The following HIVEP3 variants were observed in gnomAD, a reference collection of about 807,000 sequenced individuals.
HIVEP3 encodes the protein HIVEP zinc finger 3, also known as transcription factor HIVEP3.
In HIVEP3, 49 loss-of-function variants were observed where a neutral mutation model predicts 152.8. That is an observed-to-expected ratio of 0.32 (90% CI 0.26 to 0.41). The LOEUF is 0.41. Ranked by LOEUF, HIVEP3 falls within the 10% of genes least tolerant of loss-of-function variation. The pLI is 1.00. For synonymous variants in HIVEP3, 1,269 were observed against 1,289.0 expected, an observed-to-expected ratio of 0.98 and a Z score of 0.33; for missense variants, 2,790 against 3,103.3, an observed-to-expected ratio of 0.90 and a Z score of 2.40.
chr1:41,976,069 C>T (rs1009557770), intron 1 of HIVEP3, among the ~76,000 whole-genome samples: 7 of 149,724 alleles, frequency 4.7e-5, no homozygotes, highest in Non-Finnish European at 1.0e-4. Flanking sequence ...GTTCTCTTTG[C>T]CCTCTAGGTC....
intron 1 of HIVEP3, among the ~76,000 whole-genome samples, chr1:41,900,307 G>C (rs1186195516): frequency 1.3e-5 from 2 of 152,154 alleles, no homozygotes. Flanking sequence ...CAAAGTGCCT[G>C]GTACTGGGTG....
chr1:41,617,283 G>A (rs1356568438), intron 3 of HIVEP3, among the ~76,000 whole-genome samples: 1 of 152,182 alleles, frequency 6.6e-6, no homozygotes. Flanking sequence ...TTCCAGAAGT[G>A]GAAACATGGA....
At chr1:41,961,950 A>G (rs1357652552) in intron 1 of HIVEP3, among the ~76,000 whole-genome samples, 1 of 152,272 alleles carries the variant, frequency 6.6e-6, no homozygotes, top group African/African-American at 2.4e-5. Flanking sequence ...TGGCACCTCA[A>G]AAAGAAGACA....
At chr1:41,641,885 C>T (rs1224065745) in intron 2 of HIVEP3, among the ~76,000 whole-genome samples, 1 of 152,228 alleles carries the variant, frequency 6.6e-6, no homozygotes, top group East Asian at 1.9e-4. Flanking sequence ...TTGCATCCCG[C>T]CTCCTCCACC....
At chr1:41,908,395 A>C (rs1417032264) in intron 1 of HIVEP3, among the ~76,000 whole-genome samples, 1 of 152,202 alleles carries the variant, frequency 6.6e-6, no homozygotes, top group Non-Finnish European at 1.5e-5. Flanking sequence ...TGGCAGGTTT[A>C]AAGCACCCCT....
At chr1:41,824,784 T>TATATATATATATATAGAGAG (rs1553266584) in intron 1 of HIVEP3, among the ~76,000 whole-genome samples, 1 of 11,394 alleles carries the variant, frequency 8.8e-5, no homozygotes, top group African/African-American at 3.2e-4. Flanking sequence ...TATATATATA[T>TATATATATATATATAGAGAG]AGAGAGAGAG....
rs377698322 is a variant in HIVEP3 at position 41,903,904 on chromosome 1, CTTTTTTTTTT to C, written c.-801+14499_-801+14508del. 5.0e-5 allele frequency among the ~76,000 whole-genome samples: 7 copies of C among 140,246 alleles called. No homozygotes were observed. The East Asian group carries it at 1.4e-3, about 29-fold the overall frequency. The allele number at this position is 140,246 out of a possible 152,430, so 92.0% of individuals were successfully genotyped here. A position where few individuals can be genotyped will look rare whatever the true frequency, so the allele number is the denominator to read the frequency against. On this transcript the variant is annotated intron_variant, in intron 1 of 8. Coordinates refer to ENST00000372583, the MANE Select transcript of HIVEP3 (RefSeq NM_024503.5). ...GTGCTGACCATTTTCCTTTTTTTTT[CTTTTTTTTTT>C]TTTTTGAGACAGTCTCTTTCTGTCA...
intron 1 of HIVEP3, among the ~76,000 whole-genome samples, chr1:41,747,894 C>T (rs1647097350): frequency 6.6e-6 from 1 of 152,158 alleles, no homozygotes; most frequent in African/African-American, 2.4e-5. Context: ...ATACCATTCC[C>T]TTTGACCCAG....
intron 1 of HIVEP3, among the ~76,000 whole-genome samples, chr1:41,823,814 C>T (rs948322437): frequency 6.6e-6 from 1 of 152,202 alleles, no homozygotes; most frequent in African/African-American, 2.4e-5. Context: ...TGGGGGTACA[C>T]ACAGCTTCGT....
chr1:41,566,918 A>C (rs949785725), intron 5 of HIVEP3, among the ~76,000 whole-genome samples: 1 of 151,896 alleles, frequency 6.6e-6, no homozygotes, highest in Non-Finnish European at 1.5e-5. Context: ...ATCTCCCCCA[A>C]GATGGCCCAT....
At chr1:41,852,813 T>G (rs754809167) in intron 1 of HIVEP3, among the ~76,000 whole-genome samples, 1 of 152,248 alleles carries the variant, frequency 6.6e-6, no homozygotes, top group Non-Finnish European at 1.5e-5. Context: ...ACAAGTCTCA[T>G]GCAAACAGTA....
chr1:41,875,009 C>T (rs979745874), intron 1 of HIVEP3, among the ~76,000 whole-genome samples: 3 of 152,210 alleles, frequency 2.0e-5, no homozygotes, highest in African/African-American at 7.2e-5. Flanking sequence ...GGAAGGACCA[C>T]ATCAATGAAC....
rs149778156 is a variant in HIVEP3, at chr1:41,927,691, G to A, written n.120-9167C>T. ...CCACCAGTTTGCAACCCTTCTCCCCGATAATCACAGTCCACAAAAGCAAGG... is the reference window on the plus strand; with the variant it reads ...CCACCAGTTTGCAACCCTTCTCCCCAATAATCACAGTCCACAAAAGCAAGG... On this transcript the variant is annotated intron_variant and non_coding_transcript_variant, in intron 1 of 3. Coordinates refer to the HIVEP3 transcript ENST00000489103. Among the ~76,000 whole-genome samples the A allele has an allele frequency of 3.4e-3, 522 of 152,082 alleles. 1 individual carries two copies. The highest frequency in any genetic ancestry group is 0.012 in the African/African-American group (505 of 41,490).
Position 41,955,228 on chromosome 1 carries a change from G to A in HIVEP3, n.120-36704C>T, listed in dbSNP as rs192080576. ...CTTGGGAAAGAGGTAAGGAAGGAAA[G>A]AAATTGCTTGGTAGACTGGGTAGGG... On this transcript the variant is annotated intron_variant and non_coding_transcript_variant, in intron 1 of 3. Coordinates refer to the HIVEP3 transcript ENST00000489103. Among the ~76,000 whole-genome samples, 40 of 152,032 alleles carry A rather than the reference G, an allele frequency of 2.6e-4. 1 individual carries two copies. In the East Asian group the frequency reaches 7.0e-3, roughly 26 times the overall value.
intron 1 of HIVEP3, among the ~76,000 whole-genome samples, chr1:41,704,175 G>A (rs975965607): frequency 6.6e-6 from 1 of 152,202 alleles, no homozygotes; most frequent in Non-Finnish European, 1.5e-5. Context: ...GAGCTTACAG[G>A]ATCAACAGCA....
At chr1:41,720,033 TG>T (rs1646652675) in intron 1 of HIVEP3, among the ~76,000 whole-genome samples, 1 of 152,222 alleles carries the variant, frequency 6.6e-6, no homozygotes, top group Admixed American at 6.5e-5. Context: ...GGAGCGGGGC[TG>T]GGGTCCAGCC....
At chr1:41,960,220 G>A (rs1282209912) in intron 1 of HIVEP3, among the ~76,000 whole-genome samples, 2 of 152,218 alleles carry the variant, frequency 1.3e-5, no homozygotes, top group Non-Finnish European at 2.9e-5. Context: ...AGACAAGGAA[G>A]ATGATGAGTA....
chr1:41,986,357 T>A, intron 1 of HIVEP3, among the ~76,000 whole-genome samples: 1 of 152,108 alleles, frequency 6.6e-6, no homozygotes, highest in East Asian at 1.9e-4. Context: ...AAGGCTTCCA[T>A]GCATAACACT....
intron 2 of HIVEP3, among the ~76,000 whole-genome samples, chr1:41,644,467 T>A (rs1309744362): frequency 6.6e-6 from 1 of 152,204 alleles, no homozygotes; most frequent in East Asian, 1.9e-4. Flanking sequence ...TTTAACTCCC[T>A]GTCAGGAGGT....
Sources: allele counts gnomAD v4.1 joint callset (sites outside exome capture counted in the v4.1 genomes callset), GRCh38; gene constraint gnomAD v4.1.1; transcripts MANE v1.5; gene names NCBI Gene and HGNC (gene_info 2026-07-23, HGNC 2026-07-21).